Variants in ERC2 observed in about 807,000 individuals in gnomAD.
The protein encoded by ERC2 is ERC protein 2.
ERC2 carries 42 observed loss-of-function variants against 114.8 expected under a neutral mutation model. That is an observed-to-expected ratio of 0.37 (90% CI 0.29 to 0.47). The LOEUF is 0.47. ERC2 is among the 20% of genes least tolerant of loss of function. ERC2 has a pLI of 0.99. For missense variants in ERC2, 939 were observed against 1,150.7 expected (o/e 0.82, Z 2.66); for synonymous variants, 454 against 425.5 (o/e 1.07, Z -0.82).
intron 8 of ERC2, among the ~76,000 whole-genome samples, chr3:56,010,794 A>C (rs2072861275): frequency 6.6e-6 from 1 of 152,216 alleles, no homozygotes; most frequent in Non-Finnish European, 1.5e-5. Flanking sequence ...TGACTTGTTA[A>C]TAAAAGTTAA....
At chr3:56,291,134 T>C (rs867580833) in intron 3 of ERC2, among the ~76,000 whole-genome samples, 18 of 152,330 alleles carry the variant, frequency 1.2e-4, no homozygotes, top group Admixed American at 3.3e-4. Flanking sequence ...AATCCATTTC[T>C]TTTTCTTTAA....
At chr3:55,741,561 A>C (rs1018342876) in intron 14 of ERC2, among the ~76,000 whole-genome samples, 5 of 152,210 alleles carry the variant, frequency 3.3e-5, no homozygotes. Context: ...ATAAGCCTGA[A>C]ATCATGTTCA....
intron 2 of ERC2, among the ~76,000 whole-genome samples, chr3:56,391,558 G>C (rs1213167428): frequency 2.0e-5 from 3 of 152,178 alleles, no homozygotes; most frequent in African/African-American, 4.8e-5. Context: ...ACCATGTCAT[G>C]TCTACGTTTA....
At chr3:55,660,822 C>A (rs576403979) in intron 17 of ERC2, among the ~76,000 whole-genome samples, 1 of 152,196 alleles carries the variant, frequency 6.6e-6, no homozygotes, top group South Asian at 2.1e-4. Context: ...CCTCTGTGAG[C>A]CTCAATCAGG....
chr3:56,435,456 T>C (rs1310518312), intron 1 of ERC2, among the ~76,000 whole-genome samples: 1 of 152,196 alleles, frequency 6.6e-6, no homozygotes, highest in Non-Finnish European at 1.5e-5. Context: ...TGTGCTAAGG[T>C]TAGAGTTAGA....
intron 14 of ERC2, among the ~76,000 whole-genome samples, chr3:55,826,922 T>G (rs1392967157): frequency 6.6e-6 from 1 of 152,178 alleles, no homozygotes; most frequent in Non-Finnish European, 1.5e-5. Context: ...AGGGCAGTGG[T>G]TATCACTGAA....
At chr3:56,143,726 C>T (rs571912621) in intron 5 of ERC2, among the ~76,000 whole-genome samples, 1 of 152,306 alleles carries the variant, frequency 6.6e-6, no homozygotes, top group African/African-American at 2.4e-5. Context: ...ACTTATCACA[C>T]AGGCTTCCTG....
In ERC2 at chr3:55,627,990, A is replaced by C. The variant is rs148028354; in HGVS notation, c.*39+55804T>G. Among the ~76,000 whole-genome samples the C allele has an allele frequency of 2.1e-5, 3 of 142,886 alleles. No individual in the cohort carries two copies. In the East Asian group the frequency reaches 6.2e-4, roughly 29 times the overall value. The allele number at this position is 142,886 out of a possible 152,430, so 93.7% of individuals were successfully genotyped here. On this transcript the variant is annotated intron_variant, in intron 17 of 17. Transcript: ENST00000288221. Reference sequence around the variant, plus strand: ...ATATATTTAGGTTGGCTTTCTATTTAATTTTGAGTAAGTTTAGAATTTTTT... The same window carrying C: ...ATATATTTAGGTTGGCTTTCTATTTCATTTTGAGTAAGTTTAGAATTTTTT...
chr3:56,258,567 T>A (rs1462695598), intron 3 of ERC2, among the ~76,000 whole-genome samples: 1 of 152,166 alleles, frequency 6.6e-6, no homozygotes, highest in African/African-American at 2.4e-5. Context: ...GGTAGGAGAA[T>A]GGCGTGAACC....
At chr3:55,822,700 G>C (rs1346735634) in intron 14 of ERC2, among the ~76,000 whole-genome samples, 1 of 150,078 alleles carries the variant, frequency 6.7e-6, no homozygotes, top group African/African-American at 2.5e-5. Context: ...CGAGTAGCTG[G>C]GACTACAGGC....
At chr3:55,919,607 A>G (rs1399411373) in intron 13 of ERC2, among the ~76,000 whole-genome samples, 1 of 152,178 alleles carries the variant, frequency 6.6e-6, no homozygotes, top group African/African-American at 2.4e-5. Context: ...ACGAACATGT[A>G]TTCTAGTGGT....
intron 6 of ERC2, among the ~76,000 whole-genome samples, chr3:56,083,942 C>T (rs28599505): frequency 0.18 from 27,115 of 151,604 alleles, 2,583 homozygotes; most frequent in African/African-American, 0.23. Context: ...TAAAGGATTG[C>T]TGCATCTCAT....
At chr3:56,283,933 CCCAGTGTGTGGCACT>C (rs1346654097) in intron 3 of ERC2, among the ~76,000 whole-genome samples, 2 of 152,146 alleles carry the variant, frequency 1.3e-5, no homozygotes, top group Admixed American at 6.5e-5. Context: ...GGCCACTGGC[CCCAGTGTGTGGCACT>C]CCAAGAACAG....
intron 4 of ERC2, among the ~76,000 whole-genome samples, chr3:56,152,169 G>A (rs1429021436): frequency 6.6e-6 from 1 of 152,128 alleles, no homozygotes; most frequent in Non-Finnish European, 1.5e-5. Context: ...AAGTATGTTT[G>A]AGAAATGCTT....
chr3:56,076,963 G>A (rs529106998), intron 7 of ERC2, among the ~76,000 whole-genome samples: 50 of 152,234 alleles, frequency 3.3e-4, no homozygotes, highest in East Asian at 1.2e-3. Flanking sequence ...ACAGGGTTGC[G>A]AAAGAGTCTA....
chr3:55,709,781 G>T (rs1396348485), intron 15 of ERC2, among the ~76,000 whole-genome samples: 1 of 152,158 alleles, frequency 6.6e-6, no homozygotes, highest in Non-Finnish European at 1.5e-5. Context: ...ATGTGGTGGG[G>T]CTGTGTTGGC....
chr3:55,787,083 C>T (rs7641474), intron 14 of ERC2, among the ~76,000 whole-genome samples: 33,933 of 152,076 alleles, frequency 0.22, 4,214 homozygotes, highest in African/African-American at 0.31. Context: ...ATTGGTGTCC[C>T]TGAGCATCAA....
intron 3 of ERC2, among the ~76,000 whole-genome samples, chr3:56,189,111 T>C (rs1560336088): frequency 6.6e-6 from 1 of 152,166 alleles, no homozygotes; most frequent in Non-Finnish European, 1.5e-5. Context: ...ACCAGACCAC[T>C]GGAAAGCAAA....
chr3:55,834,080 C>T (rs1381440530), intron 14 of ERC2, among the ~76,000 whole-genome samples: 3 of 151,724 alleles, frequency 2.0e-5, no homozygotes, highest in Admixed American at 1.3e-4. Context: ...TATATATGCA[C>T]CCAATACAGG....
Sources: allele counts gnomAD v4.1 joint callset (sites outside exome capture counted in the v4.1 genomes callset), GRCh38; gene constraint gnomAD v4.1.1; transcripts MANE v1.5; gene names NCBI Gene and HGNC (gene_info 2026-07-23, HGNC 2026-07-21).